The following THSD7B variants were observed in gnomAD, a reference collection of about 807,000 sequenced individuals.
THSD7B encodes the protein thrombospondin type 1 domain containing 7B.
THSD7B carries 138 observed loss-of-function variants against 213.6 expected under a neutral mutation model. The ratio of observed to expected loss-of-function variants is 0.65; its 90% CI spans 0.56 to 0.74. THSD7B has a LOEUF of 0.74. Among genes scored for constraint, THSD7B ranks in the 30% least tolerant of loss-of-function variants. THSD7B has a pLI of 0.00. For missense variants in THSD7B, 1,931 were observed against 1,991.5 expected (o/e 0.97, Z 0.58); for synonymous variants, 742 against 687.0 (o/e 1.08, Z -1.25).
intron 19 of THSD7B, 56 bp downstream of exon 19, chr2:137,618,563 T>C (rs1242851981): frequency 2.7e-6 from 4 of 1,488,570 alleles, no homozygotes; most frequent in African/African-American, 1.4e-5. Context: ...TTAATATTGG[T>C]CTGCAGTTCC....
chr2:136,846,375 A>G (rs1683010887), intron 1 of THSD7B, among the ~76,000 whole-genome samples: 1 of 152,182 alleles, frequency 6.6e-6, no homozygotes, highest in African/African-American at 2.4e-5. Context: ...GTGGGAAAGG[A>G]GTCATAACTA....
chr2:137,405,611 A>G lies in THSD7B; in HGVS notation c.2501-2A>G. ...AACAAAAGAATTCATGCTTTTTTTC[A>G]GCTGTCTCATGCATCTCTGATGACA... On this transcript the variant is annotated splice_acceptor_variant, in intron 12 of 27. Coordinates refer to ENST00000409968, the MANE Select transcript of THSD7B (RefSeq NM_001316349.2). LOFTEE classifies it high-confidence loss of function. The G allele has an allele frequency of 6.3e-7, 1 of 1,583,646 alleles. No homozygotes were observed. The highest frequency in any genetic ancestry group is 8.6e-7 in the Non-Finnish European group (1 of 1,166,052).
intron 1 of THSD7B, among the ~76,000 whole-genome samples, chr2:136,820,286 T>C (rs1682545910): frequency 6.6e-6 from 1 of 152,218 alleles, no homozygotes; most frequent in East Asian, 1.9e-4. Context: ...GATCATTTAC[T>C]AATTCCAAGG....
chr2:137,528,197 G>A (rs1680315131), intron 15 of THSD7B, among the ~76,000 whole-genome samples: 1 of 152,056 alleles, frequency 6.6e-6, no homozygotes. Context: ...CCCAAAATTG[G>A]GGTTTGTTGT....
At chr2:136,961,621 G>A (rs1685221229) in intron 2 of THSD7B, among the ~76,000 whole-genome samples, 1 of 152,088 alleles carries the variant, frequency 6.6e-6, no homozygotes, top group Non-Finnish European at 1.5e-5. Context: ...TCATACATAT[G>A]CATGTCCAAC....
At chr2:137,622,372 A>G (rs72983478) in intron 20 of THSD7B, among the ~76,000 whole-genome samples, 3,978 of 152,270 alleles carry the variant, frequency 0.026, 178 homozygotes, top group African/African-American at 0.092. Flanking sequence ...AACAAAACAA[A>G]AAACAAGTTA....
intron 2 of THSD7B, among the ~76,000 whole-genome samples, chr2:136,882,948 C>T (rs571674147): frequency 1.3e-5 from 2 of 152,120 alleles, no homozygotes; most frequent in Non-Finnish European, 2.9e-5. Context: ...TGAAAAAGAT[C>T]TGTTAAATTT....
At chr2:137,423,970 GATTAATGAAACAGA>G (rs1686984331) in intron 14 of THSD7B, among the ~76,000 whole-genome samples, 1 of 151,812 alleles carries the variant, frequency 6.6e-6, no homozygotes, top group African/African-American at 2.4e-5. Flanking sequence ...GAAACATATA[GATTAATGAAACAGA>G]ATTGGCATTT....
At chr2:137,671,656 G>A (rs761343854) in intron 27 of THSD7B, among the ~76,000 whole-genome samples, 1 of 152,144 alleles carries the variant, frequency 6.6e-6, no homozygotes, top group Non-Finnish European at 1.5e-5. Flanking sequence ...GAACACCATG[G>A]GGGAAGCGAT....
intron 2 of THSD7B, among the ~76,000 whole-genome samples, chr2:136,993,255 A>G (rs567209643): frequency 1.6e-4 from 25 of 152,346 alleles, no homozygotes; most frequent in African/African-American, 5.5e-4. Context: ...AGGCATCTCC[A>G]TTTAGATATG....
At chr2:137,412,120 C>T (rs1037827652) in intron 14 of THSD7B, among the ~76,000 whole-genome samples, 3 of 152,026 alleles carry the variant, frequency 2.0e-5, no homozygotes, top group African/African-American at 7.2e-5. Context: ...GTTTATTAGC[C>T]GCCTGTTTAC....
intron 20 of THSD7B, among the ~76,000 whole-genome samples, chr2:137,623,299 C>A (rs1484709411): frequency 1.3e-5 from 2 of 152,168 alleles, no homozygotes; most frequent in Non-Finnish European, 2.9e-5. Context: ...TAAAAACTCT[C>A]AATAAACTAG....
Position 137,027,730 on chromosome 2 carries a change from A to G in THSD7B, c.140-28690A>G, listed in dbSNP as rs1686581917. Among the ~76,000 whole-genome samples the G allele has an allele frequency of 3.3e-5, 5 of 152,296 alleles. No homozygotes were observed. In the South Asian group the frequency reaches 1.0e-3, roughly 32 times the overall value. The stretch of plus-strand genomic sequence containing the variant: ...TTTACACCAGTGTTTGTTCACTGGT[A>G]TATTCTCAGGGCACAGAACAGTGTG... On this transcript the variant is annotated intron_variant, in intron 2 of 27. Coordinates refer to ENST00000409968, the MANE Select transcript of THSD7B (RefSeq NM_001316349.2).
chr2:137,240,717 G>A lies in THSD7B; in HGVS notation c.2151-1740G>A, dbSNP rs561381823. On this transcript the variant is annotated intron_variant, in intron 9 of 27. Coordinates refer to ENST00000409968, the MANE Select transcript of THSD7B (RefSeq NM_001316349.2). ...TTTAATAGACACAGGGTCTGGCTGT[G>A]TTGCCCAGGCTAGTGTTTAACTTCT... Among the ~76,000 whole-genome samples the A allele has an allele frequency of 1.1e-4, 16 of 152,204 alleles. No individual in the cohort carries two copies. The South Asian group carries it at 3.3e-3, about 32-fold the overall frequency.
intron 1 of THSD7B, among the ~76,000 whole-genome samples, chr2:136,777,211 A>G (rs2104903069): frequency 6.6e-6 from 1 of 152,256 alleles, no homozygotes; most frequent in South Asian, 2.1e-4. Flanking sequence ...GAAAGAAATG[A>G]AACGGTGGGT....
intron 2 of THSD7B, among the ~76,000 whole-genome samples, chr2:136,917,133 T>C (rs892385829): frequency 1.9e-4 from 29 of 152,318 alleles, no homozygotes; most frequent in Non-Finnish European, 3.4e-4. Flanking sequence ...ATATGATTGT[T>C]ACAAATTATG....
At chr2:137,248,983 T>C (rs1682106006) in intron 10 of THSD7B, among the ~76,000 whole-genome samples, 2 of 152,198 alleles carry the variant, frequency 1.3e-5, no homozygotes, top group Non-Finnish European at 2.9e-5. Context: ...TCACAGGTGC[T>C]GCTGGGTGTA....
intron 11 of THSD7B, among the ~76,000 whole-genome samples, chr2:137,273,001 A>ACGC (rs771086981): frequency 0.027 from 3,910 of 147,524 alleles, 103 homozygotes; most frequent in Middle Eastern, 0.093. Context: ...GAAGAAATAC[A>ACGC]CACCACACAC....
intron 12 of THSD7B, among the ~76,000 whole-genome samples, chr2:137,363,658 A>G (rs1033795817): frequency 6.6e-6 from 1 of 152,162 alleles, no homozygotes; most frequent in Non-Finnish European, 1.5e-5. Context: ...TAAATTCCTC[A>G]ACACATACAC....
Sources: gnomAD v4.1 joint callset for allele counts (sites outside exome capture counted in the v4.1 genomes callset) on GRCh38, gnomAD v4.1.1 for gene constraint, MANE v1.5 for transcripts, NCBI Gene and HGNC (gene_info 2026-07-23, HGNC 2026-07-21) for gene names.